NAALADL2: variants seen among roughly 807,000 people sequenced by gnomAD.
The protein encoded by NAALADL2 is N-acetylated alpha-linked acidic dipeptidase like 2.
A neutral mutation model predicts 87.2 loss-of-function variants in NAALADL2; 76 were observed. The ratio of observed to expected loss-of-function variants is 0.87; its 90% confidence interval spans 0.72 to 1.05. NAALADL2 has a LOEUF of 1.05. Among genes scored for constraint, NAALADL2 ranks in the 50% least tolerant of loss-of-function variants. The pLI is 0.00. For synonymous variants in NAALADL2, 354 were observed against 331.0 expected (o/e 1.07, Z -0.75); for missense variants, 1,089 against 945.8 (o/e 1.15, Z -1.99).
At chr3:175,653,163 G>A (rs1008721117) in intron 11 of NAALADL2, among the ~76,000 whole-genome samples, 4 of 152,118 alleles carry the variant, frequency 2.6e-5, no homozygotes, top group African/African-American at 9.7e-5. Context: ...GAAGGGGCTG[G>A]TCTTGTATCT....
intron 2 of NAALADL2, among the ~76,000 whole-genome samples, chr3:175,174,306 G>A (rs924964069): frequency 6.6e-6 from 1 of 151,984 alleles, no homozygotes; most frequent in South Asian, 2.1e-4. Context: ...CCAACTAAGC[G>A]GCTTTTTATA....
intron 9 of NAALADL2, among the ~76,000 whole-genome samples, chr3:175,549,137 T>A (rs756732264): frequency 3.6e-5 from 3 of 82,266 alleles, no homozygotes; most frequent in Non-Finnish European, 7.6e-5. Flanking sequence ...GTTTTGAGAT[T>A]ATCACTTATT....
In NAALADL2 at chr3:175,112,920, A is replaced by G. The variant is rs1048281588; in HGVS notation, c.545+15629A>G. Among the ~76,000 whole-genome samples, 10 of 151,660 alleles carry G rather than the reference A, an allele frequency of 6.6e-5. No individual in the cohort carries two copies. The Admixed American group carries it at 6.6e-4, about 10-fold the overall frequency. ...GCACTGAAGGCTATGAATGCTTTAG[A>G]TACATTAATATATAGATATGAGACA... On this transcript the variant is annotated intron_variant, in intron 2 of 13. Transcript: ENST00000454872.
At chr3:175,085,448 A>G (rs1718692635) in intron 1 of NAALADL2, among the ~76,000 whole-genome samples, 1 of 152,008 alleles carries the variant, frequency 6.6e-6, no homozygotes, top group Non-Finnish European at 1.5e-5. Context: ...TTTAAAGGTT[A>G]TGCTCCTTTT....
chr3:175,308,023 A>G (rs533928620), intron 4 of NAALADL2, among the ~76,000 whole-genome samples: 126 of 145,074 alleles, frequency 8.7e-4, no homozygotes, highest in African/African-American at 3.1e-3. Context: ...ACAAATGCCT[A>G]TGAGAGGTAG....
intron 5 of NAALADL2, among the ~76,000 whole-genome samples, chr3:175,367,817 T>A: frequency 6.6e-6 from 1 of 152,210 alleles, no homozygotes; most frequent in East Asian, 1.9e-4. Context: ...ACAGTTTGAC[T>A]TCCTCTTTTC....
intron 6 of NAALADL2, among the ~76,000 whole-genome samples, chr3:175,458,726 C>T (rs57256884): frequency 0.013 from 1,900 of 151,916 alleles, 30 homozygotes; most frequent in African/African-American, 0.043. Flanking sequence ...TAATTAGATC[C>T]TCTGCATGTA....
At chr3:174,814,723 A>AT (rs1048495780) in intron 3 of NAALADL2, among the ~76,000 whole-genome samples, 2 of 152,170 alleles carry the variant, frequency 1.3e-5, no homozygotes, top group African/African-American at 4.8e-5. Context: ...AAAAATTATT[A>AT]TTTTGGGCAG....
chr3:174,734,733 A>G (rs981209268), intron 2 of NAALADL2, among the ~76,000 whole-genome samples: 1 of 152,216 alleles, frequency 6.6e-6, no homozygotes, highest in African/African-American at 2.4e-5. Context: ...AGATTTAGAT[A>G]GCACTTCTAA....
At chr3:175,621,545 C>T (rs1445404202) in intron 10 of NAALADL2, among the ~76,000 whole-genome samples, 1 of 152,160 alleles carries the variant, frequency 6.6e-6, no homozygotes, top group East Asian at 1.9e-4. Context: ...TCAGAAAATT[C>T]TCCATGCGGA....
rs550728547 is a variant in NAALADL2, at chr3:175,466,829, CAGTG to C, written c.1328-147_1328-144del. 95 of 653,096 alleles carry C rather than the reference CAGTG, an allele frequency of 1.5e-4. No individual in the cohort carries two copies. In the African/African-American group the frequency reaches 1.6e-3, roughly 11 times the overall value. 40.5% of individuals were successfully genotyped at this position (653,096 alleles called of 1,614,324 possible). On this transcript the variant is annotated intron_variant, in intron 7 of 13. Transcript: ENST00000454872. ...ATATACACAGATGTGTGAATTAAGA[CAGTG>C]AGCAAAAAAATTAAAGTAGTCTTAA...
intron 1 of NAALADL2, among the ~76,000 whole-genome samples, chr3:174,525,874 C>G (rs1054749979): frequency 5.9e-5 from 9 of 152,084 alleles, no homozygotes; most frequent in African/African-American, 1.9e-4. Flanking sequence ...GTTCTGGTCC[C>G]CCATGAGCAT....
intron 5 of NAALADL2, among the ~76,000 whole-genome samples, chr3:175,429,203 A>ACT (rs201029837): frequency 0.034 from 4,665 of 136,412 alleles, 107 homozygotes; most frequent in Middle Eastern, 0.055. Context: ...ACACACACAC[A>ACT]CACACACATA....
At chr3:174,709,170 A>C (rs539699035) in intron 2 of NAALADL2, among the ~76,000 whole-genome samples, 7 of 152,238 alleles carry the variant, frequency 4.6e-5, no homozygotes, top group African/African-American at 1.7e-4. Context: ...AGAACAAGGA[A>C]TATTAGTAGA....
intron 1 of NAALADL2, among the ~76,000 whole-genome samples, chr3:174,544,802 A>T (rs1722585702): frequency 6.6e-6 from 1 of 151,666 alleles, no homozygotes; most frequent in African/African-American, 2.4e-5. Context: ...ATCTCCTGAC[A>T]TTCTTATCTG....
chr3:175,032,033 G>C (rs1020381744), intron 1 of NAALADL2, among the ~76,000 whole-genome samples: 2 of 151,908 alleles, frequency 1.3e-5, no homozygotes, highest in Non-Finnish European at 2.9e-5. Flanking sequence ...CCAATGCATA[G>C]TTTGCAAACA....
chr3:175,434,821 G>C (rs1718353690), intron 5 of NAALADL2, among the ~76,000 whole-genome samples: 1 of 151,982 alleles, frequency 6.6e-6, no homozygotes, highest in African/African-American at 2.4e-5. Flanking sequence ...TACATGTAAT[G>C]TGCAGATGGC....
chr3:175,368,141 T>C (rs1765900765), intron 5 of NAALADL2, among the ~76,000 whole-genome samples: 1 of 152,224 alleles, frequency 6.6e-6, no homozygotes, highest in Non-Finnish European at 1.5e-5. Flanking sequence ...TGGTTCTGTT[T>C]ATACGCTGGA....
chr3:174,559,913 G>A (rs971821046), intron 2 of NAALADL2, among the ~76,000 whole-genome samples: 10 of 152,264 alleles, frequency 6.6e-5, no homozygotes, highest in African/African-American at 1.9e-4. Context: ...CATTGTACAC[G>A]GAATCAGCTC....
Sources: allele counts gnomAD v4.1 joint callset (sites outside exome capture counted in the v4.1 genomes callset), GRCh38; gene constraint gnomAD v4.1.1; transcripts MANE v1.5; gene names NCBI Gene and HGNC (gene_info 2026-07-23, HGNC 2026-07-21).